The following NELL2 variants were observed in gnomAD, a reference collection of about 807,000 sequenced individuals.
NELL2 encodes the protein neural EGFL like 2.
Under a neutral mutation model 109.6 loss-of-function variants are expected in NELL2, and 41 were observed. The ratio of observed to expected loss-of-function variants is 0.37; its 90% confidence interval spans 0.29 to 0.49. The LOEUF (loss-of-function observed/expected upper bound fraction) is 0.49. NELL2 is among the 20% of genes least tolerant of loss of function. NELL2 has a pLI of 0.98. For missense variants in NELL2, 900 were observed against 1,008.3 expected, an observed-to-expected ratio of 0.89 and a Z score of 1.45; for synonymous variants, 355 against 344.7, an observed-to-expected ratio of 1.03 and a Z score of -0.33.
At chr12:44,528,353 T>C (rs1053650332) in intron 16 of NELL2, among the ~76,000 whole-genome samples, 1 of 152,118 alleles carries the variant, frequency 6.6e-6, no homozygotes, top group African/African-American at 2.4e-5. Context: ...ATGTGTTATT[T>C]TGATGTTTAG....
At position 44,812,420 on chromosome 12, in the gene NELL2, G is replaced by C. The variant is rs78937495; in HGVS notation, c.335+3566C>G. On this transcript the variant is annotated intron_variant, in intron 3 of 19. Transcript: ENST00000429094. ...ACCTTGACCACAAAAGGCCATATGA[G>C]AAATATGTGTATGGTTTCAGTGCCA... Among the ~76,000 whole-genome samples the C allele has an allele frequency of 6.6e-3, 1,011 of 152,160 alleles. 6 individuals are homozygous for C. The highest frequency in any genetic ancestry group is 0.012 in the Non-Finnish European group (795 of 67,988).
chr12:44,709,599 AATAG>A (rs1314296579), intron 11 of NELL2, among the ~76,000 whole-genome samples: 2 of 152,180 alleles, frequency 1.3e-5, no homozygotes, highest in Non-Finnish European at 2.9e-5. Context: ...TTGGAGCAGC[AATAG>A]ATAGTTTTTT....
chr12:44,515,967 G>T (rs759576516), intron 19 of NELL2, among the ~76,000 whole-genome samples: 47 of 151,688 alleles, frequency 3.1e-4, no homozygotes, highest in Non-Finnish European at 5.2e-4. Context: ...TAAATAAAGT[G>T]AATATGTAAT....
intron 2 of NELL2, among the ~76,000 whole-genome samples, chr12:44,825,783 T>C (rs1047079671): frequency 1.3e-5 from 2 of 148,578 alleles, no homozygotes; most frequent in Non-Finnish European, 3.0e-5. Context: ...CGGTGACTCA[T>C]GCCTGTAATC....
chr12:44,747,791 T>C (rs1940457994), intron 9 of NELL2, among the ~76,000 whole-genome samples: 1 of 152,166 alleles, frequency 6.6e-6, no homozygotes, highest in African/African-American at 2.4e-5. Flanking sequence ...TTTTGTAGCC[T>C]ACCCTGCCTC....
At chr12:44,724,955 T>C (rs889244588) in intron 9 of NELL2, among the ~76,000 whole-genome samples, 25 of 150,834 alleles carry the variant, frequency 1.7e-4, no homozygotes, top group South Asian at 4.2e-4. Context: ...AGCCCAGAAA[T>C]AAGGCTGCAC....
At chr12:44,619,248 T>C (rs750668466) in intron 13 of NELL2, among the ~76,000 whole-genome samples, 6 of 152,114 alleles carry the variant, frequency 3.9e-5, no homozygotes, top group Non-Finnish European at 7.4e-5. Context: ...CCCTCAAGTA[T>C]TTGAGCTGGC....
At chr12:44,862,319 T>C (rs972172220) in intron 2 of NELL2, among the ~76,000 whole-genome samples, 1 of 152,232 alleles carries the variant, frequency 6.6e-6, no homozygotes, top group Non-Finnish European at 1.5e-5. Context: ...ATTCTATTTA[T>C]AGCATTCTGT....
In NELL2 at chr12:44,900,984, TCAAAACAAAA is replaced by T. The variant is rs140014427; in HGVS notation, c.38+12805_38+12814del. On this transcript the variant is annotated intron_variant, in intron 1 of 20. Coordinates refer to the NELL2 transcript ENST00000333837. ...AGCCTGGTGACAGAGTAAGAAACTG[TCAAAACAAAA>T]CAAAACAAAACAAAACAAAACAAAA... is the stretch of plus-strand genomic sequence containing the variant. 1.0e-3 allele frequency among the ~76,000 whole-genome samples: 154 copies of T among 150,094 alleles called. 1 individual carries two copies. The highest frequency in any genetic ancestry group is 2.7e-3 in the Admixed American group (41 of 14,996).
At chr12:44,880,796 T>G (rs1220515878), upstream of NELL2, 1 of 152,008 alleles carries the variant, frequency 6.6e-6, no homozygotes, top group Non-Finnish European at 1.5e-5. Flanking sequence ...AACCAGAGTT[T>G]GAAGTACTAC....
At chr12:44,669,913 T>G (rs141657640) in intron 12 of NELL2, among the ~76,000 whole-genome samples, 2 of 152,180 alleles carry the variant, frequency 1.3e-5, no homozygotes, top group African/African-American at 2.4e-5. Context: ...GATTCCCAGA[T>G]AGCTGTAATT....
chr12:44,571,922 C>T (rs1220937136), intron 15 of NELL2, among the ~76,000 whole-genome samples: 1 of 152,038 alleles, frequency 6.6e-6, no homozygotes, highest in Non-Finnish European at 1.5e-5. Flanking sequence ...ATGTAGATTA[C>T]AGCCACCCAT....
At chr12:44,639,703 C>T (rs926278265) in intron 13 of NELL2, among the ~76,000 whole-genome samples, 18 of 152,148 alleles carry the variant, frequency 1.2e-4, no homozygotes, top group Non-Finnish European at 5.9e-5. Context: ...AAATGGTCCT[C>T]TTAATTCCCT....
chr12:44,903,678 C>T (rs1945687390), intron 1 of NELL2, among the ~76,000 whole-genome samples: 1 of 152,106 alleles, frequency 6.6e-6, no homozygotes, highest in South Asian at 2.1e-4. Flanking sequence ...GAAAACGTGG[C>T]ACATATGCAC....
At chr12:44,541,978 T>C (rs1942593831) in intron 15 of NELL2, among the ~76,000 whole-genome samples, 1 of 152,186 alleles carries the variant, frequency 6.6e-6, no homozygotes, top group African/African-American at 2.4e-5. Flanking sequence ...CCCTTGCCCA[T>C]ACACAATGTT....
chr12:44,589,032 A>G (rs1383963371), intron 15 of NELL2, among the ~76,000 whole-genome samples: 1 of 152,210 alleles, frequency 6.6e-6, no homozygotes, highest in African/African-American at 2.4e-5. Context: ...TACCACCATA[A>G]GGGGTACCAT....
At chr12:44,521,327 G>A (rs895688306) in intron 18 of NELL2, among the ~76,000 whole-genome samples, 2 of 151,990 alleles carry the variant, frequency 1.3e-5, no homozygotes, top group East Asian at 1.9e-4. Flanking sequence ...TCAGGAGATC[G>A]AGACCATCCC....
chr12:44,648,729 ATAT>A (rs1442109899), intron 13 of NELL2, among the ~76,000 whole-genome samples: 25 of 100,774 alleles, frequency 2.5e-4, no homozygotes, highest in African/African-American at 8.5e-4. Flanking sequence ...ATATATATAT[ATAT>A]TTTTTTTTTT....
At chr12:44,759,901 C>A (rs918088090) in intron 9 of NELL2, among the ~76,000 whole-genome samples, 12 of 152,158 alleles carry the variant, frequency 7.9e-5, no homozygotes, top group Non-Finnish European at 1.3e-4. Context: ...AAGAACTCAA[C>A]CTCCTTTAAT....
Sources: gnomAD v4.1 joint callset for allele counts (sites outside exome capture counted in the v4.1 genomes callset) on GRCh38, gnomAD v4.1.1 for gene constraint, MANE v1.5 for transcripts, NCBI Gene and HGNC (gene_info 2026-07-23, HGNC 2026-07-21) for gene names.